The following KLHL1 variants were observed in gnomAD, a reference collection of about 807,000 sequenced individuals.
KLHL1 encodes the protein kelch-like protein 1.
In KLHL1, 47 loss-of-function variants were observed where a neutral mutation model predicts 77.7. That is an observed-to-expected ratio of 0.60 (90% CI 0.48 to 0.77). The LOEUF (loss-of-function observed/expected upper bound fraction) is 0.77. Among genes scored for constraint, KLHL1 ranks in the 30% least tolerant of loss-of-function variants. The pLI is 0.00. For missense variants in KLHL1, 925 were observed against 910.8 expected (o/e 1.02, Z -0.20); for synonymous variants, 360 against 325.2 (o/e 1.11, Z -1.15).
chr13:70,016,442 G>A (rs1885659918), intron 1 of KLHL1, among the ~76,000 whole-genome samples: 1 of 152,246 alleles, frequency 6.6e-6, no homozygotes, highest in Admixed American at 6.5e-5. Flanking sequence ...AGGCTCGTAA[G>A]TGCCTGCTCT....
At chr13:70,105,395 A>C (rs2137459833) in intron 1 of KLHL1, among the ~76,000 whole-genome samples, 1 of 151,794 alleles carries the variant, frequency 6.6e-6, no homozygotes, top group East Asian at 1.9e-4. Flanking sequence ...ACTAATGCTG[A>C]ATATGCCTTA....
chr13:69,938,933 C>T (rs1057280197), intron 4 of KLHL1, among the ~76,000 whole-genome samples: 1 of 151,884 alleles, frequency 6.6e-6, no homozygotes, highest in Non-Finnish European at 1.5e-5. Flanking sequence ...AAAAAGTGTT[C>T]AATTTGAAAT....
At chr13:69,778,279 G>A (rs1441674634) in intron 7 of KLHL1, among the ~76,000 whole-genome samples, 1 of 152,028 alleles carries the variant, frequency 6.6e-6, no homozygotes, top group Admixed American at 6.6e-5. Context: ...TACTCAGGAA[G>A]ATAAAATTAA....
chr13:69,826,923 G>A (rs1013428919), intron 6 of KLHL1, among the ~76,000 whole-genome samples: 1 of 146,834 alleles, frequency 6.8e-6, no homozygotes, highest in South Asian at 2.1e-4. Flanking sequence ...TCATTTTCTG[G>A]ACATCCATTT....
At chr13:69,813,501 C>T (rs929190623) in intron 6 of KLHL1, among the ~76,000 whole-genome samples, 2 of 148,988 alleles carry the variant, frequency 1.3e-5, no homozygotes, top group African/African-American at 2.6e-5. Context: ...CACACACACA[C>T]ACATATATAT....
chr13:70,003,255 G>T (rs2137328152), intron 1 of KLHL1, among the ~76,000 whole-genome samples: 1 of 151,738 alleles, frequency 6.6e-6, no homozygotes, highest in East Asian at 1.9e-4. Flanking sequence ...GAAACATGAT[G>T]AAAACTTTGA....
chr13:69,746,979 G>A, intron 7 of KLHL1, among the ~76,000 whole-genome samples: 1 of 152,110 alleles, frequency 6.6e-6, no homozygotes, highest in East Asian at 1.9e-4. Context: ...GCCAGCCCTA[G>A]CTGCCAGATT....
intron 9 of KLHL1, among the ~76,000 whole-genome samples, chr13:69,718,485 T>C (rs1386520157): frequency 2.0e-5 from 3 of 152,090 alleles, no homozygotes; most frequent in South Asian, 2.1e-4. Context: ...AAAAGCATCA[T>C]GGTATTAAAC....
chr13:69,866,234 C>T (rs1284063032), intron 5 of KLHL1, among the ~76,000 whole-genome samples: 2 of 152,090 alleles, frequency 1.3e-5, no homozygotes, highest in Admixed American at 6.6e-5. Flanking sequence ...TTGAGAATAA[C>T]ACATTCATTA....
At chr13:70,049,931 A>T (rs2137390534) in intron 1 of KLHL1, among the ~76,000 whole-genome samples, 1 of 152,190 alleles carries the variant, frequency 6.6e-6, no homozygotes, top group South Asian at 2.1e-4. Context: ...CTAAAACTGC[A>T]AAATATTAAA....
At chr13:69,874,420 C>T (rs531443504) in intron 5 of KLHL1, among the ~76,000 whole-genome samples, 7 of 152,080 alleles carry the variant, frequency 4.6e-5, no homozygotes, top group South Asian at 2.1e-4. Flanking sequence ...ATGATGCATT[C>T]GACTATCTAC....
chr13:69,787,814 A>C (rs1876638161), intron 7 of KLHL1, among the ~76,000 whole-genome samples: 1 of 152,178 alleles, frequency 6.6e-6, no homozygotes, highest in South Asian at 2.1e-4. Context: ...TTACAAGAAA[A>C]AAACAAACAA....
intron 7 of KLHL1, among the ~76,000 whole-genome samples, chr13:69,791,569 A>G (rs1445117040): frequency 6.6e-6 from 1 of 152,216 alleles, no homozygotes; most frequent in Non-Finnish European, 1.5e-5. Flanking sequence ...AAATGTGGGA[A>G]TGGCATAAAG....
chr13:69,829,981 C>T lies in KLHL1; in HGVS notation c.1414+8995G>A, dbSNP rs920002809. On this transcript the variant is annotated intron_variant, in intron 6 of 10. Transcript: ENST00000377844. Reference sequence around the variant, plus strand: ...AATCTTGAAACAAAACCTCAAAATACACCAAAATAGAACCTCCTTAAAGCA... The same window carrying T: ...AATCTTGAAACAAAACCTCAAAATATACCAAAATAGAACCTCCTTAAAGCA... Among the ~76,000 whole-genome samples, 40 of 149,782 alleles carry T rather than the reference C, an allele frequency of 2.7e-4. 2 individuals carry two copies. The highest frequency in any genetic ancestry group is 9.8e-4 in the African/African-American group (39 of 39,854).
intron 2 of KLHL1, among the ~76,000 whole-genome samples, chr13:69,963,963 A>C (rs2137274419): frequency 6.6e-6 from 1 of 152,274 alleles, no homozygotes; most frequent in African/African-American, 2.4e-5. Flanking sequence ...CACATGACAT[A>C]GAATTCTAGG....
chr13:69,713,706 A>AT (rs143419445), intron 9 of KLHL1, among the ~76,000 whole-genome samples: 25 of 151,418 alleles, frequency 1.7e-4, no homozygotes, highest in South Asian at 4.2e-4. Flanking sequence ...AAATGAGAAT[A>AT]TTTTTTTTTC....
At chr13:69,873,743 C>G (rs895230671) in intron 5 of KLHL1, among the ~76,000 whole-genome samples, 1 of 151,986 alleles carries the variant, frequency 6.6e-6, no homozygotes, top group Non-Finnish European at 1.5e-5. Flanking sequence ...CATATGTATC[C>G]CAGAACTTAA....
chr13:69,705,597 A>G (rs547515402), intron 10 of KLHL1, among the ~76,000 whole-genome samples: 271 of 151,760 alleles, frequency 1.8e-3, no homozygotes, highest in African/African-American at 6.0e-3. Context: ...TTTTAAAGGG[A>G]TTTTGTGTGG....
intron 1 of KLHL1, among the ~76,000 whole-genome samples, chr13:70,040,080 C>G (rs551675072): frequency 1.4e-4 from 21 of 152,214 alleles, no homozygotes; most frequent in African/African-American, 4.1e-4. Flanking sequence ...ATCATACCTC[C>G]CTTATGTCTC....
Sources: allele counts gnomAD v4.1 joint callset (sites outside exome capture counted in the v4.1 genomes callset), GRCh38; gene constraint gnomAD v4.1.1; transcripts MANE v1.5; gene names NCBI Gene and HGNC (gene_info 2026-07-23, HGNC 2026-07-21).